The following THSD7B variants were observed in gnomAD, a reference collection of about 807,000 sequenced individuals.
THSD7B encodes thrombospondin type-1 domain-containing protein 7B.
Under a neutral mutation model 213.6 loss-of-function variants are expected in THSD7B, and 138 were observed. The ratio of observed to expected loss-of-function variants is 0.65; its 90% CI spans 0.56 to 0.74. THSD7B has a LOEUF of 0.74. Ranked by LOEUF, THSD7B falls within the 30% of genes least tolerant of loss-of-function variation. The pLI is 0.00. For missense variants in THSD7B, 1,931 were observed against 1,991.5 expected (o/e 0.97, Z 0.58); for synonymous variants, 742 against 687.0 (o/e 1.08, Z -1.25).
chr2:137,262,771 C>T (rs942770440), intron 10 of THSD7B, among the ~76,000 whole-genome samples: 2 of 152,124 alleles, frequency 1.3e-5, no homozygotes, highest in African/African-American at 2.4e-5. Flanking sequence ...CGGTGGTTCT[C>T]CTCCCTGGGG....
At chr2:137,113,220 A>G (rs1029023192) in intron 4 of THSD7B, among the ~76,000 whole-genome samples, 1 of 152,112 alleles carries the variant, frequency 6.6e-6, no homozygotes, top group Non-Finnish European at 1.5e-5. Context: ...TGGATGAAAG[A>G]TCTATCTGTG....
intron 17 of THSD7B, among the ~76,000 whole-genome samples, chr2:137,597,782 A>C (rs1558854332): frequency 6.6e-6 from 1 of 152,172 alleles, no homozygotes; most frequent in Non-Finnish European, 1.5e-5. Context: ...ACACTTGCAA[A>C]AGATACACAA....
intron 12 of THSD7B, among the ~76,000 whole-genome samples, chr2:137,330,638 C>G (rs189048083): frequency 6.6e-6 from 1 of 152,052 alleles, no homozygotes; most frequent in African/African-American, 2.4e-5. Flanking sequence ...TCATTCCCCC[C>G]GGTGAGCTCA....
chr2:137,536,091 CTA>C (rs796321334), intron 15 of THSD7B, among the ~76,000 whole-genome samples: 12 of 149,814 alleles, frequency 8.0e-5, no homozygotes, highest in African/African-American at 2.9e-4. Context: ...CTCTAACAGG[CTA>C]TGAGTACAGA....
intron 2 of THSD7B, among the ~76,000 whole-genome samples, chr2:136,929,522 C>A (rs1183850240): frequency 3.3e-5 from 5 of 152,138 alleles, no homozygotes; most frequent in African/African-American, 1.2e-4. Flanking sequence ...TAAGTTAAAA[C>A]AAAAATGCAA....
intron 1 of THSD7B, among the ~76,000 whole-genome samples, chr2:136,819,589 A>G (rs1023376573): frequency 5.3e-5 from 8 of 152,176 alleles, no homozygotes; most frequent in Admixed American, 5.2e-4. Context: ...CTAAATGAGT[A>G]CCATGAAACA....
intron 12 of THSD7B, among the ~76,000 whole-genome samples, chr2:137,300,697 A>G (rs1328831656): frequency 6.6e-6 from 1 of 152,182 alleles, no homozygotes; most frequent in Non-Finnish European, 1.5e-5. Flanking sequence ...AGGAAGGCAC[A>G]TGCTGGAAAA....
At chr2:137,387,101 G>A (rs1685913531) in intron 12 of THSD7B, among the ~76,000 whole-genome samples, 1 of 152,198 alleles carries the variant, frequency 6.6e-6, no homozygotes, top group Admixed American at 6.5e-5. Flanking sequence ...CTCACCCTGT[G>A]TAGCAATTAA....
chr2:137,285,775 T>G (rs1383701011), intron 12 of THSD7B, among the ~76,000 whole-genome samples: 1 of 152,104 alleles, frequency 6.6e-6, no homozygotes, highest in African/African-American at 2.4e-5. Context: ...ATCTAGTCTT[T>G]CACTAAGGCT....
At chr2:137,561,271 TAAAC>T (rs955595174) in intron 15 of THSD7B, among the ~76,000 whole-genome samples, 6 of 152,244 alleles carry the variant, frequency 3.9e-5, no homozygotes, top group Middle Eastern at 3.4e-3. Context: ...TACATGCAAC[TAAAC>T]AAACAGTTTT....
chr2:136,848,569 C>G (rs576026628), intron 1 of THSD7B, among the ~76,000 whole-genome samples: 4 of 152,158 alleles, frequency 2.6e-5, no homozygotes, highest in Admixed American at 6.5e-5. Context: ...ATTTGAAAAT[C>G]ATAATTTTAG....
intron 15 of THSD7B, among the ~76,000 whole-genome samples, chr2:137,550,455 T>C (rs1680825201): frequency 6.6e-6 from 1 of 152,116 alleles, no homozygotes; most frequent in African/African-American, 2.4e-5. Context: ...GGGGGAAATA[T>C]AATATTCTGC....
chr2:137,671,404 A>G (rs1450818976), intron 27 of THSD7B, among the ~76,000 whole-genome samples: 1 of 152,184 alleles, frequency 6.6e-6, no homozygotes, highest in East Asian at 1.9e-4. Context: ...TTGTCATACT[A>G]CTATGAAGAA....
intron 12 of THSD7B, among the ~76,000 whole-genome samples, chr2:137,391,975 GT>G (rs1686038470): frequency 6.6e-6 from 1 of 152,116 alleles, no homozygotes; most frequent in South Asian, 2.1e-4. Flanking sequence ...AATGGTTTAA[GT>G]TTCTATCTTA....
intron 15 of THSD7B, among the ~76,000 whole-genome samples, chr2:137,531,988 G>T (rs10496774): frequency 6.6e-6 from 1 of 151,874 alleles, no homozygotes; most frequent in Non-Finnish European, 1.5e-5. Flanking sequence ...AATATAAACA[G>T]AGAGAGTGTA....
intron 14 of THSD7B, among the ~76,000 whole-genome samples, chr2:137,431,559 G>A (rs1687185894): frequency 1.3e-5 from 2 of 152,092 alleles, no homozygotes; most frequent in Non-Finnish European, 2.9e-5. Context: ...AACATGTTTT[G>A]GAATAAAATA....
chr2:137,676,498 T>C, intron 27 of THSD7B, 26 bp from the exon 28 acceptor site: 1 of 1,563,570 alleles, frequency 6.4e-7, no homozygotes, highest in African/African-American at 1.4e-5. Flanking sequence ...ACTTACTTGA[T>C]CTGAGGAATT....
At chr2:137,077,001 G>T (rs914952028) in intron 3 of THSD7B, among the ~76,000 whole-genome samples, 1 of 113,528 alleles carries the variant, frequency 8.8e-6, no homozygotes, top group Non-Finnish European at 1.6e-5. Flanking sequence ...ACAGGCCCCA[G>T]TGTGTGATGT....
At chr2:137,469,358 G>A (rs1002727523) in intron 15 of THSD7B, among the ~76,000 whole-genome samples, 1 of 152,128 alleles carries the variant, frequency 6.6e-6, no homozygotes, top group South Asian at 2.1e-4. Context: ...TTCAATATGC[G>A]ATCCTCTTTG....
Sources: gnomAD v4.1 joint callset for allele counts (sites outside exome capture counted in the v4.1 genomes callset) on GRCh38, gnomAD v4.1.1 for gene constraint, MANE v1.5 for transcripts, NCBI Gene and HGNC (gene_info 2026-07-23, HGNC 2026-07-21) for gene names.